Variants in SGK1 observed in about 807,000 individuals in gnomAD.
SGK1 encodes the protein serine/threonine-protein kinase Sgk1.
SGK1 carries 26 observed loss-of-function variants against 64.2 expected under a neutral mutation model. That is an observed-to-expected ratio of 0.40 (90% CI 0.30 to 0.56). The LOEUF is 0.56. Ranked by LOEUF, SGK1 falls within the 20% of genes least tolerant of loss-of-function variation. SGK1 has a pLI of 0.38. For missense variants in SGK1, 519 were observed against 645.6 expected (o/e 0.80, Z 2.12); for synonymous variants, 265 against 239.7 (o/e 1.11, Z -0.98).
chr6:134,270,354 G>A (rs1202687694), intron 1 of SGK1, among the ~76,000 whole-genome samples: 1 of 147,100 alleles, frequency 6.8e-6, no homozygotes, highest in African/African-American at 2.5e-5. Flanking sequence ...CATGAGAATA[G>A]CTTCTTAGGC....
chr6:134,204,092 G>A (rs1775728656), intron 3 of SGK1, among the ~76,000 whole-genome samples: 1 of 150,792 alleles, frequency 6.6e-6, no homozygotes, highest in Non-Finnish European at 1.5e-5. Context: ...AAAAGTATAT[G>A]TGCCTAATAA....
chr6:134,283,318 C>T (rs1042331318), intron 1 of SGK1: 1 of 151,710 alleles, frequency 6.6e-6, no homozygotes, highest in African/African-American at 2.4e-5. Context: ...TGGTGAAACC[C>T]CGTCTCTACT....
At chr6:134,237,395 G>A (rs1219618284) in intron 2 of SGK1, among the ~76,000 whole-genome samples, 4 of 152,078 alleles carry the variant, frequency 2.6e-5, no homozygotes, top group Middle Eastern at 3.4e-3. Context: ...ATAAAATAAC[G>A]CTGGACACAG....
intron 10 of SGK1, 44 bp from the exon 11 acceptor site, chr6:134,171,776 C>G (rs1292767368): frequency 1.3e-5 from 16 of 1,264,066 alleles, no homozygotes; most frequent in Non-Finnish European, 1.6e-5. Context: ...CCTGCGAAAG[C>G]AAGCAATCCC....
chr6:134,190,857 TG>T (rs1451705805), intron 3 of SGK1, among the ~76,000 whole-genome samples: 1 of 152,218 alleles, frequency 6.6e-6, no homozygotes, highest in Non-Finnish European at 1.5e-5. Context: ...TAGACTTAGC[TG>T]GATTACTTCT....
intron 1 of SGK1, among the ~76,000 whole-genome samples, chr6:134,289,785 C>T (rs1033216094): frequency 2.0e-5 from 3 of 151,960 alleles, no homozygotes; most frequent in Non-Finnish European, 2.9e-5. Flanking sequence ...GCGAGCGGAT[C>T]ACTTGAGCAC....
intron 2 of SGK1, among the ~76,000 whole-genome samples, chr6:134,221,058 C>T (rs1203813694): frequency 6.6e-6 from 1 of 151,372 alleles, no homozygotes; most frequent in Non-Finnish European, 1.5e-5. Context: ...AATCCCAGCA[C>T]TTTGGGAGGC....
chr6:134,288,309 T>G (rs1777215967), intron 1 of SGK1, among the ~76,000 whole-genome samples: 1 of 152,146 alleles, frequency 6.6e-6, no homozygotes, highest in African/African-American at 2.4e-5. Flanking sequence ...AGAGAACCCT[T>G]GGTCAGTAGC....
chr6:134,226,516 C>T (rs1776182572), intron 2 of SGK1, among the ~76,000 whole-genome samples: 1 of 151,642 alleles, frequency 6.6e-6, no homozygotes, highest in Non-Finnish European at 1.5e-5. Flanking sequence ...CATGGTGAAA[C>T]CTTGTCTCTA....
rs762574567 is a variant in SGK1, at chr6:134,173,537, G to C, written c.543C>G (p.Gly181=). The change falls in exon 6 of 14, where the codon GGC becomes GGG. Residue 181 remains glycine, a synonymous_variant. Coordinates refer to ENST00000367858, the MANE Select transcript of SGK1 (RefSeq NM_001143676.3). ...GTTTAGCATGAGGATTGGACGACGG[G>C]CCAAGGTTGATTTGCTGAGAAGGAC... is the stretch of plus-strand genomic sequence containing the variant. ...PPSPSQQINL[G]PSSNPHAKPS... The C allele has an allele frequency of 6.2e-7, 1 of 1,610,688 alleles. No homozygotes were observed. The highest frequency in any genetic ancestry group is 8.5e-7 in the Non-Finnish European group (1 of 1,179,090).
chr6:134,240,516 A>G (rs890403669), intron 2 of SGK1, among the ~76,000 whole-genome samples: 9 of 152,174 alleles, frequency 5.9e-5, no homozygotes, highest in African/African-American at 2.2e-4. Context: ...AATATCCTGT[A>G]TATTCCTGGA....
intron 13 of SGK1, 27 bp downstream of exon 13, chr6:134,170,799 A>G (rs1774990908): frequency 1.8e-5 from 26 of 1,429,714 alleles, no homozygotes; most frequent in African/African-American, 2.8e-5. Flanking sequence ...GGGCTTCTCT[A>G]TACTTAGAAG....
chr6:134,172,366 T>C (rs1407187078), intron 9 of SGK1, 50 bp from the exon 10 acceptor site: 2 of 1,550,094 alleles, frequency 1.3e-6, no homozygotes, highest in Admixed American at 1.7e-5. Flanking sequence ...TTTCACTTCA[T>C]AAGATATCCT....
intron 1 of SGK1, among the ~76,000 whole-genome samples, chr6:134,284,076 G>A (rs544005441): frequency 6.6e-6 from 1 of 151,680 alleles, no homozygotes; most frequent in South Asian, 2.1e-4. Flanking sequence ...TCCTTTATAT[G>A]TTCAAATATT....
At chr6:134,187,942 C>T (rs544623690) in intron 3 of SGK1, among the ~76,000 whole-genome samples, 40 of 152,326 alleles carry the variant, frequency 2.6e-4, no homozygotes, top group African/African-American at 9.1e-4. Flanking sequence ...ATCAGAGGCT[C>T]AGTGTTCATT....
intron 1 of SGK1, among the ~76,000 whole-genome samples, chr6:134,287,721 C>A (rs532189412): frequency 6.6e-6 from 1 of 151,998 alleles, no homozygotes; most frequent in African/African-American, 2.4e-5. Flanking sequence ...GTTAGAATAT[C>A]AATTTGTACA....
chr6:134,239,462 C>T (rs1776410810), intron 2 of SGK1, among the ~76,000 whole-genome samples: 1 of 152,210 alleles, frequency 6.6e-6, no homozygotes, highest in Non-Finnish European at 1.5e-5. Context: ...AACCTTTCAG[C>T]AACTGATGTA....
intron 1 of SGK1, among the ~76,000 whole-genome samples, chr6:134,266,264 C>T (rs983580038): frequency 2.6e-5 from 4 of 151,962 alleles, no homozygotes; most frequent in East Asian, 2.0e-4. Flanking sequence ...GTAATACAGG[C>T]GTGAGCAACT....
At chr6:134,173,440 A>C (rs369270556) in intron 6 of SGK1, 22 bp downstream of exon 6, 8 of 1,589,128 alleles carry the variant, frequency 5.0e-6, no homozygotes, top group Non-Finnish European at 8.6e-7. Flanking sequence ...GTGTACCAAA[A>C]GATCTTCAGA....
Sources: allele counts gnomAD v4.1 joint callset (sites outside exome capture counted in the v4.1 genomes callset), GRCh38; gene constraint gnomAD v4.1.1; transcripts MANE v1.5; gene names NCBI Gene and HGNC (gene_info 2026-07-23, HGNC 2026-07-21).